The following GHRH variants were observed in gnomAD, a reference collection of about 807,000 sequenced individuals.
The protein encoded by GHRH is growth hormone releasing hormone, also known as somatoliberin.
Under a neutral mutation model 15.6 loss-of-function variants are expected in GHRH, and 7 were observed. That is an observed-to-expected ratio of 0.45 (90% confidence interval 0.26 to 0.84). The LOEUF (loss-of-function observed/expected upper bound fraction) is 0.84, where lower values mean the gene tolerates loss of function less well. GHRH is among the 40% of genes least tolerant of loss of function. GHRH has a pLI of 0.18. For synonymous variants in GHRH, 54 were observed against 50.4 expected (o/e 1.07, Z -0.30); for missense variants, 117 against 138.0 (o/e 0.85, Z 0.76).
At chr20:37,251,378 T>G in intron 4 of GHRH, 147 bp from the exon 5 acceptor site, 5 of 578,032 alleles carry the variant, frequency 8.7e-6, no homozygotes, top group Middle Eastern at 4.7e-4. Context: ...GAGGGAAGGA[T>G]GCGCAAGCAT....
At chr20:37,256,369 A>G in intron 3 of GHRH, 25 bp downstream of exon 3, 1 of 1,489,142 alleles carries the variant, frequency 6.7e-7, no homozygotes, top group Non-Finnish European at 9.3e-7. Flanking sequence ...GGGTGTGGGA[A>G]GAAATCACTA....
rs760472622 is a variant in GHRH, at chr20:37,254,179, C to T, written c.308+31G>A. 1.9e-6 allele frequency: 3 copies of T among 1,613,376 alleles called. No homozygotes were observed. In the South Asian group the frequency reaches 3.3e-5, roughly 18 times the overall value. ...CCACGGGGTAGGAAGCCCTGAAGTC[C>T]CTAGATGCACCCATGCACACACACC... On this transcript the variant is annotated intron_variant, in intron 4 of 4. Transcript: ENST00000373614.
chr20:37,251,195 G>A lies in GHRH; in HGVS notation c.*18C>T, dbSNP rs753667165. The A allele has an allele frequency of 8.8e-6, 14 of 1,586,348 alleles. No individual in the cohort carries two copies. The highest frequency in any genetic ancestry group is 1.7e-4 in the Middle Eastern group (1 of 5,984). ...GTTGCATTTTGGCTACAGGTAGCCC[G>A]GGTCACAGGAGGAATCTTCATCCCT... is the stretch of plus-strand genomic sequence containing the variant. On this transcript the variant is annotated 3_prime_UTR_variant, in exon 5 of 5. Transcript: ENST00000373614.
intron 1 of GHRH, among the ~76,000 whole-genome samples, chr20:37,259,792 T>C (rs2068677956): frequency 6.6e-6 from 1 of 152,086 alleles, no homozygotes; most frequent in Non-Finnish European, 1.5e-5. Flanking sequence ...TCCATCAAAT[T>C]AGTTTTGGAG....
rs749049523 is a variant in GHRH, at chr20:37,256,413, T to G, written c.169A>C (p.Ile57Leu). ...GCTTACCCCTGCTGCCTGCTCATGA[T>G]GTCCTGGAGCAGCTTGCGGGCGGAC... ...QLSARKLLQD[I>L]MSRQQGESNQ... is the part of the protein sequence containing the mutation. Residue 57 changes from isoleucine to leucine, a missense_variant, in exon 3 of 5, where the codon ATC (isoleucine) becomes CTC (leucine). By Grantham distance (5) the Ile-to-Leu change is conservative (BLOSUM62 2). Transcript: ENST00000373614. 1.2e-6 allele frequency: 2 copies of G among 1,611,030 alleles called. No individual in the cohort carries two copies. The highest frequency in any genetic ancestry group is 1.3e-5 in the African/African-American group (1 of 74,876).
At position 37,255,684 on chromosome 20, in the gene GHRH, AAAG is replaced by A. The variant is rs1265155133; in HGVS notation, c.188+707_188+709del. ...TCAAAAAAAAAAAAAAAAAAAAAAA[AAAG>A]AGCTATTAACCCTGTACAATGGGGA... On this transcript the variant is annotated intron_variant, in intron 3 of 4. Coordinates refer to ENST00000373614, the MANE Select transcript of GHRH (RefSeq NM_021081.6). 1.4e-3 allele frequency among the ~76,000 whole-genome samples: 180 copies of A among 129,314 alleles called. 7 individuals carry two copies. Among genetic ancestry groups the A allele is most frequent in the African/African-American group, 7.2e-3 (177 of 24,450 alleles). 84.8% of individuals were successfully genotyped at this position (129,314 alleles called of 152,430 possible). A position where few individuals can be genotyped will look rare whatever the true frequency, so the allele number is the denominator to read the frequency against.
intron 4 of GHRH, among the ~76,000 whole-genome samples, chr20:37,253,975 T>A (rs1420714552): frequency 6.6e-6 from 1 of 152,210 alleles, no homozygotes; most frequent in East Asian, 1.9e-4. Context: ...GGTCTTGAAC[T>A]CCCGACCTCA....
At position 37,252,372 on chromosome 20, in the gene GHRH, G is replaced by A. The variant is rs181862994; in HGVS notation, c.309-1141C>T. Among the ~76,000 whole-genome samples the A allele has an allele frequency of 2.7e-4, 41 of 152,298 alleles. No homozygotes were observed. In the East Asian group the frequency reaches 7.4e-3, roughly 27 times the overall value. The stretch of plus-strand genomic sequence containing the variant: ...TCTAATCGGGTTGGGAAGAAGGTGA[G>A]AGAGGCCATGGAGCGCTCTGCTGGG... On this transcript the variant is annotated intron_variant, in intron 4 of 4. Transcript: ENST00000373614.
At chr20:37,256,944 C>T in intron 1 of GHRH, 36 bp from the exon 2 acceptor site, 1 of 1,310,890 alleles carries the variant, frequency 7.6e-7, no homozygotes, top group Non-Finnish European at 1.1e-6. Flanking sequence ...CAGGTACAGC[C>T]ACAGCCATTG....
chr20:37,254,574 A>G (rs1159228838), intron 3 of GHRH, among the ~76,000 whole-genome samples: 3 of 152,104 alleles, frequency 2.0e-5, no homozygotes, highest in African/African-American at 7.2e-5. Flanking sequence ...TAGAGGAGAA[A>G]CCTAGCAGAC....
rs376701954 is a variant in GHRH, at chr20:37,256,358, A to G, written c.188+36T>C. 7 of 1,353,222 alleles carry G rather than the reference A, an allele frequency of 5.2e-6. No individual in the cohort carries two copies. The African/African-American group carries it at 1.0e-4, about 19-fold the overall frequency. 83.8% of individuals were successfully genotyped at this position (1,353,222 alleles called of 1,614,324 possible). A position where few individuals can be genotyped will look rare whatever the true frequency, so the allele number is the denominator to read the frequency against. On this transcript the variant is annotated intron_variant, in intron 3 of 4. Coordinates refer to ENST00000373614, the MANE Select transcript of GHRH (RefSeq NM_021081.6). ...AACAAGCTCCTGCAGACTCTGCTGC[A>G]GGGTGTGGGAAGAAATCACTAGAAC... is the stretch of plus-strand genomic sequence containing the variant.
At chr20:37,259,823 T>G (rs1455162073) in intron 1 of GHRH, among the ~76,000 whole-genome samples, 1 of 152,198 alleles carries the variant, frequency 6.6e-6, no homozygotes, top group Non-Finnish European at 1.5e-5. Context: ...AGAGTGGGCC[T>G]CCTCATTCCC....
intron 4 of GHRH, 24 bp downstream of exon 4, chr20:37,254,186 G>A (rs1214277140): frequency 6.2e-7 from 1 of 1,613,400 alleles, no homozygotes; most frequent in South Asian, 1.1e-5. Flanking sequence ...GTCCCTAGAT[G>A]CACCCATGCA....
intron 2 of GHRH, 125 bp downstream of exon 2, chr20:37,256,682 G>A (rs1036293870): frequency 2.5e-6 from 2 of 800,894 alleles, no homozygotes; most frequent in South Asian, 3.4e-5. Flanking sequence ...GCAAGGACGG[G>A]CAGTGGGTGC....
chr20:37,260,640 G>A (rs2068682985), intron 1 of GHRH, among the ~76,000 whole-genome samples: 1 of 152,166 alleles, frequency 6.6e-6, no homozygotes, highest in Non-Finnish European at 1.5e-5. Flanking sequence ...AACTTAAGGA[G>A]TCAAAATTCA....
intron 3 of GHRH, 142 bp from the exon 4 acceptor site, chr20:37,254,471 A>G (rs1385908572): frequency 1.2e-5 from 10 of 808,472 alleles, no homozygotes; most frequent in African/African-American, 1.0e-4. Context: ...GGGAGGCAGT[A>G]TATATAGTAA....
intron 4 of GHRH, among the ~76,000 whole-genome samples, chr20:37,253,599 T>TATTG (rs1211909454): frequency 6.6e-6 from 1 of 152,146 alleles, no homozygotes; most frequent in African/African-American, 2.4e-5. Context: ...ACTCTCCTAA[T>TATTG]ATTGATTGAT....
At chr20:37,255,660 CAAAAAA>C (rs61126074) in intron 3 of GHRH, among the ~76,000 whole-genome samples, 5 of 14,720 alleles carry the variant, frequency 3.4e-4, no homozygotes, top group Non-Finnish European at 5.4e-4. Context: ...GACTCCATCT[CAAAAAA>C]AAAAAAAAAA....
intron 3 of GHRH, 24 bp from the exon 4 acceptor site, chr20:37,254,353 T>TA: frequency 6.2e-7 from 1 of 1,613,834 alleles, no homozygotes. Context: ...AAAAGAGAAC[T>TA]AGTTGCTATT....
Sources: allele counts gnomAD v4.1 joint callset (sites outside exome capture counted in the v4.1 genomes callset), GRCh38; gene constraint gnomAD v4.1.1; transcripts MANE v1.5; gene names NCBI Gene and HGNC (gene_info 2026-07-23, HGNC 2026-07-21).